Variants in REG4 observed in about 807,000 individuals in gnomAD.
REG4 encodes regenerating islet-derived protein 4.
REG4 carries 16 observed loss-of-function variants against 22.3 expected under a neutral mutation model. The ratio of observed to expected loss-of-function variants is 0.72; its 90% confidence interval spans 0.49 to 1.09. The LOEUF (loss-of-function observed/expected upper bound fraction) is 1.09. REG4 is among the 50% of genes least tolerant of loss of function. The probability of loss-of-function intolerance (pLI) is 0.00; values close to 1 mark genes in which losing one functional copy is unlikely to be tolerated. For missense variants in REG4, 214 were observed against 193.9 expected, an observed-to-expected ratio of 1.10 and a Z score of -0.61; for synonymous variants, 71 against 69.2, an observed-to-expected ratio of 1.03 and a Z score of -0.13.
Position 119,799,409 on chromosome 1 carries a change from T to TACACAC in REG4, c.303+310_303+315dup, listed in dbSNP as rs58324924. ...CTGTCTCATAATAGGCCTGTGTGCG[T>TACACAC]ACACACACACACACACACACACACA... On this transcript the variant is annotated intron_variant, in intron 4 of 5. Transcript: ENST00000256585. Among the ~76,000 whole-genome samples, 815 of 150,344 alleles carry TACACAC rather than the reference T, an allele frequency of 5.4e-3. 8 individuals carry two copies. The highest frequency in any genetic ancestry group is 0.029 in the East Asian group (146 of 5,066).
intron 5 of REG4, among the ~76,000 whole-genome samples, chr1:119,796,221 G>T (rs1653936017): frequency 6.6e-6 from 1 of 152,184 alleles, no homozygotes; most frequent in Non-Finnish European, 1.5e-5. Flanking sequence ...GGAGGAGCTG[G>T]AATTCTACCC....
chr1:119,806,292 G>C (rs780765517), intron 2 of REG4, among the ~76,000 whole-genome samples: 7 of 152,042 alleles, frequency 4.6e-5, no homozygotes, highest in African/African-American at 1.4e-4. Flanking sequence ...GCAGGTCCAG[G>C]CCGTTTACAT....
chr1:119,809,481 A>G (rs908934315), intron 1 of REG4, among the ~76,000 whole-genome samples: 24 of 152,204 alleles, frequency 1.6e-4, no homozygotes, highest in Non-Finnish European at 2.1e-4. Flanking sequence ...AAATCAATGC[A>G]AAACTAGAAA....
chr1:119,805,195 G>T (rs182982875), intron 2 of REG4, among the ~76,000 whole-genome samples: 5 of 152,130 alleles, frequency 3.3e-5, no homozygotes, highest in African/African-American at 1.2e-4. Flanking sequence ...TGCACTTTAC[G>T]TAAAAATTGA....
Position 119,794,117 on chromosome 1 carries a change from T to C in REG4, c.*501A>G, listed in dbSNP as rs1350730121. The C allele has an allele frequency of 1.9e-6, 1 of 533,558 alleles. No homozygotes were observed. The highest frequency in any genetic ancestry group is 1.4e-5 in the South Asian group (1 of 71,580). 33.1% of individuals were successfully genotyped at this position (533,558 alleles called of 1,614,324 possible). A position where few individuals can be genotyped will look rare whatever the true frequency, so the allele number is the denominator to read the frequency against. On this transcript the variant is annotated 3_prime_UTR_variant, in exon 6 of 6. Transcript: ENST00000256585. ...TACACAATGGTTTATTAAAGGAATG[T>C]ATGGCCCACATCAACCTAGCAAGGA...
rs1222068473 is a variant in REG4 at position 119,794,591 on chromosome 1, G to A, written c.*27C>T. ...GAAAGGAAGAGGACGGGGCTGTGCA[G>A]GAGTTAGCAGAATCTTGATTCTTGC... On this transcript the variant is annotated 3_prime_UTR_variant, in exon 6 of 6. Transcript: ENST00000256585. 1 of 1,599,628 alleles carries A rather than the reference G, an allele frequency of 6.3e-7. No individual in the cohort carries two copies. The highest frequency in any genetic ancestry group is 8.6e-7 in the Non-Finnish European group (1 of 1,166,648).
intron 1 of REG4, among the ~76,000 whole-genome samples, chr1:119,810,920 G>A (rs1571075578): frequency 6.6e-6 from 1 of 152,228 alleles, no homozygotes; most frequent in South Asian, 2.1e-4. Context: ...TGGGCGTGGT[G>A]GCAAGTGCCT....
intron 2 of REG4, among the ~76,000 whole-genome samples, chr1:119,804,915 GC>G (rs1654250226): frequency 6.6e-6 from 1 of 151,808 alleles, no homozygotes; most frequent in Non-Finnish European, 1.5e-5. Flanking sequence ...CTTTCTTGAT[GC>G]CAGGCACCAT....
rs759644251 is a variant in REG4 at position 119,808,774 on chromosome 1, C to T, written c.-5G>A. 8 of 1,612,304 alleles carry T rather than the reference C, an allele frequency of 5.0e-6. No homozygotes were observed. The highest frequency in any genetic ancestry group is 4.0e-5 in the African/African-American group (3 of 74,866). On this transcript the variant is annotated 5_prime_UTR_variant, in exon 2 of 6. Transcript: ENST00000256585. Reference sequence around the variant, plus strand: ...CCGCATGCTTCTGGAAGCCATCTTCCTCCTACCCTGAGGATGTAGCTAGTG... The same window carrying T: ...CCGCATGCTTCTGGAAGCCATCTTCTTCCTACCCTGAGGATGTAGCTAGTG...
chr1:119,805,859 A>G (rs935930238), intron 2 of REG4, among the ~76,000 whole-genome samples: 6 of 150,542 alleles, frequency 4.0e-5, no homozygotes, highest in East Asian at 3.9e-4. Context: ...ACACTCTGCA[A>G]GTTGCGGCTG....
At chr1:119,802,351 T>G (rs1290320244) in intron 3 of REG4, 1 of 985,928 alleles carries the variant, frequency 1.0e-6, no homozygotes, top group Admixed American at 6.1e-5. Context: ...TGGCATGTGG[T>G]AGGTGCTTCG....
In REG4 at chr1:119,794,559, G is replaced by T; in HGVS notation, c.*59C>A. 6.9e-7 allele frequency: 1 copy of T among 1,458,722 alleles called. No homozygotes were observed. The highest frequency in any genetic ancestry group is 1.7e-5 in the Admixed American group (1 of 59,804). The allele number at this position is 1,458,722 out of a possible 1,614,324, so 90.4% of individuals were successfully genotyped here. ...TGAAATAATGAGCAGATTTAGCCAG[G>T]CTAGCAGAAAGGAAGAGGACGGGGC... On this transcript the variant is annotated 3_prime_UTR_variant, in exon 6 of 6. Coordinates refer to ENST00000256585, the MANE Select transcript of REG4 (RefSeq NM_032044.4).
In REG4 at chr1:119,803,110, G is replaced by A. The variant is rs370996299; in HGVS notation, c.123C>T (p.Cys41=). The A allele has an allele frequency of 9.1e-5, 142 of 1,554,636 alleles. No individual in the cohort carries two copies. Among genetic ancestry groups the A allele is most frequent in the Non-Finnish European group, 1.0e-4 (121 of 1,154,382 alleles). The part of the protein sequence containing the change: ...APGWFYHKSN[C]YGYFRKLRNW... ...TCCTCAGCTTCCTGAAGTAACCATA[G>A]CAATTGGACTTGTGGTAAAACCATC... The change falls in exon 3 of 6, where the codon TGC becomes TGT. Residue 41 remains cysteine, a synonymous_variant. Coordinates refer to ENST00000256585, the MANE Select transcript of REG4 (RefSeq NM_032044.4).
In REG4 at chr1:119,803,170, A is replaced by G; in HGVS notation, c.68-5T>C. The G allele has an allele frequency of 6.6e-7, 1 of 1,510,642 alleles. No homozygotes were observed. Among genetic ancestry groups the G allele is most frequent in the Non-Finnish European group, 8.8e-7 (1 of 1,130,500 alleles). 93.6% of individuals were successfully genotyped at this position (1,510,642 alleles called of 1,614,324 possible). A position where few individuals can be genotyped will look rare whatever the true frequency, so the allele number is the denominator to read the frequency against. ...AGCTGGGTCTCATGATGATATCTGC[A>G]CATAAACAAAAGGCAATTGCACATT... On this transcript the variant is annotated splice_region_variant and splice_polypyrimidine_tract_variant and intron_variant, in intron 2 of 5. Coordinates refer to ENST00000256585, the MANE Select transcript of REG4 (RefSeq NM_032044.4).
At chr1:119,794,710 A>T in intron 5 of REG4, 25 bp from the exon 6 acceptor site, 1 of 1,606,128 alleles carries the variant, frequency 6.2e-7, no homozygotes, top group Non-Finnish European at 8.5e-7. Context: ...ACAGATATTT[A>T]AATCCATTCA....
intron 3 of REG4, 145 bp downstream of exon 3, chr1:119,802,923 C>T (rs1308728490): frequency 6.4e-7 from 1 of 1,558,338 alleles, no homozygotes; most frequent in Non-Finnish European, 8.7e-7. Flanking sequence ...AACACACAAC[C>T]CTCTTCTCTC....
rs779339293 is a variant in REG4 at position 119,794,676 on chromosome 1, G to T, written c.419C>A (p.Thr140Asn). 1.2e-6 allele frequency: 2 copies of T among 1,613,990 alleles called. No homozygotes were observed. The highest frequency in any genetic ancestry group is 1.7e-6 in the Non-Finnish European group (2 of 1,179,852). Residue 140 changes from threonine (T) to asparagine (N), a missense_variant, in exon 6 of 6, where the codon ACT becomes AAT. Thr to Asn is a moderately conservative substitution (Grantham distance 65). Coordinates refer to ENST00000256585, the MANE Select transcript of REG4 (RefSeq NM_032044.4). ...AEMSSNNNFL[T>N]WSSNECNKRQ... ...CTTGTTGCATTCGTTGCTGCTCCAAGTTAAAAAGTCTGTAAGAAAATAAAC... is the reference window on the plus strand; with the variant it reads ...CTTGTTGCATTCGTTGCTGCTCCAATTTAAAAAGTCTGTAAGAAAATAAAC...
At chr1:119,804,538 A>G (rs1654231789) in intron 2 of REG4, among the ~76,000 whole-genome samples, 1 of 152,258 alleles carries the variant, frequency 6.6e-6, no homozygotes, top group African/African-American at 2.4e-5. Flanking sequence ...TGTTTCAGTG[A>G]GTATGTCAAA....
intron 2 of REG4, among the ~76,000 whole-genome samples, chr1:119,804,897 G>A (rs1454320109): frequency 6.6e-6 from 1 of 151,766 alleles, no homozygotes; most frequent in African/African-American, 2.4e-5. Flanking sequence ...CCCTCACCCT[G>A]CAAGGTGCTT....
Sources: gnomAD v4.1 joint callset for allele counts (sites outside exome capture counted in the v4.1 genomes callset) on GRCh38, gnomAD v4.1.1 for gene constraint, MANE v1.5 for transcripts, NCBI Gene and HGNC (gene_info 2026-07-23, HGNC 2026-07-21) for gene names.